Variants in NIPBL observed in about 807,000 individuals in gnomAD.
NIPBL encodes NIPBL cohesin loading factor.
In NIPBL, 19 loss-of-function variants were observed where a neutral mutation model predicts 321.8. The ratio of observed to expected loss-of-function variants is 0.06; its 90% CI spans 0.04 to 0.09. The LOEUF (loss-of-function observed/expected upper bound fraction) is 0.09, where lower values mean the gene tolerates loss of function less well. NIPBL is among the 10% of genes least tolerant of loss of function. The probability of loss-of-function intolerance (pLI) is 1.00; values close to 1 mark genes in which losing one functional copy is unlikely to be tolerated. For synonymous variants in NIPBL, 1,106 were observed against 1,114.1 expected (o/e 0.99, Z 0.14); for missense variants, 2,210 against 3,327.0 (o/e 0.66, Z 8.26).
chr5:36,916,307 T>G (rs967310620), intron 1 of NIPBL, among the ~76,000 whole-genome samples: 1 of 152,246 alleles, frequency 6.6e-6, no homozygotes, highest in Non-Finnish European at 1.5e-5. Flanking sequence ...ACTGCTTTAG[T>G]TTGAAAGAAA....
chr5:36,893,212 T>C (rs997001389), intron 1 of NIPBL, among the ~76,000 whole-genome samples: 1 of 152,202 alleles, frequency 6.6e-6, no homozygotes, highest in Non-Finnish European at 1.5e-5. Flanking sequence ...TGAAATCTTG[T>C]AGTGAGAACT....
At chr5:37,045,757 C>T (rs1157051833) in intron 37 of NIPBL, among the ~76,000 whole-genome samples, 160 bp downstream of exon 37, 5 of 152,208 alleles carry the variant, frequency 3.3e-5, no homozygotes, top group African/African-American at 1.2e-4. Flanking sequence ...CTCAGACTGG[C>T]TGCTAATCCA....
At chr5:37,019,533 T>G in intron 25 of NIPBL, 133 bp downstream of exon 25, 1 of 695,782 alleles carries the variant, frequency 1.4e-6, no homozygotes, top group South Asian at 1.5e-5. Flanking sequence ...AAAGGGATAC[T>G]TGATAATCTA....
chr5:37,003,482 A>G (rs1747059839), intron 16 of NIPBL, 135 bp downstream of exon 16: 2 of 591,592 alleles, frequency 3.4e-6, no homozygotes, highest in South Asian at 2.3e-5. Flanking sequence ...GTAGGTGAAT[A>G]ATTTTTATTA....
intron 30 of NIPBL, 108 bp downstream of exon 30, chr5:37,024,827 T>C: frequency 1.2e-6 from 1 of 843,940 alleles, no homozygotes; most frequent in South Asian, 2.0e-5. Flanking sequence ...TTACAATGAA[T>C]CGTTTATAGT....
intron 1 of NIPBL, among the ~76,000 whole-genome samples, chr5:36,893,298 G>T (rs1366287249): frequency 1.3e-5 from 2 of 152,056 alleles, no homozygotes; most frequent in Non-Finnish European, 2.9e-5. Flanking sequence ...TTTTAAAATG[G>T]CAGTAGCTTT....
chr5:36,992,538 A>T (rs1377430101), intron 10 of NIPBL, among the ~76,000 whole-genome samples: 1 of 151,954 alleles, frequency 6.6e-6, no homozygotes, highest in Non-Finnish European at 1.5e-5. Flanking sequence ...TTTTAAAGAC[A>T]GGGTCTCATT....
At chr5:37,057,149 T>C in intron 42 of NIPBL, 37 bp from the exon 43 acceptor site, 1 of 1,609,362 alleles carries the variant, frequency 6.2e-7, no homozygotes, top group Non-Finnish European at 8.5e-7. Flanking sequence ...TTCTAGATTA[T>C]CCGCTAAACA....
Position 37,022,447 on chromosome 5 carries a change from T to C in NIPBL, c.5574+57T>C, listed in dbSNP as rs1749754426. On this transcript the variant is annotated intron_variant, in intron 29 of 46. Transcript: ENST00000282516. The stretch of plus-strand genomic sequence containing the variant: ...ATATAATTTTGCCTTTCAAGCATCA[T>C]GTTTTGTTTTAAAGTGTTAAGTTAG... 5.4e-6 allele frequency: 8 copies of C among 1,490,568 alleles called. No homozygotes were observed. In the East Asian group the frequency reaches 1.8e-4, roughly 34 times the overall value. The allele number at this position is 1,490,568 out of a possible 1,614,324, so 92.3% of individuals were successfully genotyped here.
chr5:37,055,356 T>TAA (rs57488198), intron 42 of NIPBL, among the ~76,000 whole-genome samples: 20,006 of 84,330 alleles, frequency 0.24, 2,175 homozygotes, highest in African/African-American at 0.32. Context: ...ATCTCAACAG[T>TAA]AAAAAAAAAA....
intron 8 of NIPBL, among the ~76,000 whole-genome samples, chr5:36,972,270 T>C (rs1742941063): frequency 6.6e-6 from 1 of 152,168 alleles, no homozygotes; most frequent in Non-Finnish European, 1.5e-5. Flanking sequence ...TATTCTCGGA[T>C]ACATCCAGTA....
At chr5:36,927,679 G>C (rs979902927) in intron 1 of NIPBL, among the ~76,000 whole-genome samples, 4 of 152,186 alleles carry the variant, frequency 2.6e-5, no homozygotes, top group East Asian at 1.9e-4. Context: ...GAAGCACGAA[G>C]AACAGTATAA....
chr5:36,958,316 A>C (rs1561078574), intron 4 of NIPBL, 85 bp downstream of exon 4: 2 of 1,373,032 alleles, frequency 1.5e-6, no homozygotes, highest in Non-Finnish European at 1.0e-6. Context: ...AAGCTGGCCT[A>C]TCAGGAATGC....
At chr5:36,901,744 A>G (rs1747243284) in intron 1 of NIPBL, among the ~76,000 whole-genome samples, 1 of 152,000 alleles carries the variant, frequency 6.6e-6, no homozygotes, top group African/African-American at 2.4e-5. Context: ...CCTGACCTCA[A>G]GTGATCCACC....
At chr5:36,978,409 C>T (rs1743754921) in intron 9 of NIPBL, among the ~76,000 whole-genome samples, 1 of 151,920 alleles carries the variant, frequency 6.6e-6, no homozygotes, top group Admixed American at 6.6e-5. Flanking sequence ...TGAGAAGTGT[C>T]TGTTCATGTC....
In NIPBL at chr5:37,007,548, A is replaced by G. The variant is rs159752; in HGVS notation, c.4239+74A>G. On this transcript the variant is annotated intron_variant, in intron 18 of 46. Transcript: ENST00000282516. The stretch of plus-strand genomic sequence containing the variant: ...AGTCTAGTATAACCTAGCTCACTCA[A>G]TAATAAGACCAGCACTATATTATCA... 88 of 1,026,702 alleles carry G rather than the reference A, an allele frequency of 8.6e-5. No homozygotes were observed. In the African/African-American group the frequency reaches 1.3e-3, roughly 15 times the overall value. 63.6% of individuals were successfully genotyped at this position (1,026,702 alleles called of 1,614,324 possible). A position where few individuals can be genotyped will look rare whatever the true frequency, so the allele number is the denominator to read the frequency against.
At chr5:37,023,021 A>G (rs1306568100) in intron 29 of NIPBL, among the ~76,000 whole-genome samples, 2 of 152,242 alleles carry the variant, frequency 1.3e-5, no homozygotes, top group Non-Finnish European at 2.9e-5. Flanking sequence ...CATTGCAGGC[A>G]TATTGACTTA....
intron 32 of NIPBL, among the ~76,000 whole-genome samples, chr5:37,033,210 G>C (rs1751267801): frequency 6.6e-6 from 1 of 152,070 alleles, no homozygotes; most frequent in Admixed American, 6.6e-5. Context: ...ATGGGAAACT[G>C]TGAGCTTTCT....
At chr5:36,962,555 C>T (rs568623190) in intron 6 of NIPBL, among the ~76,000 whole-genome samples, 17 of 152,188 alleles carry the variant, frequency 1.1e-4, no homozygotes, top group South Asian at 6.2e-4. Context: ...AGAAGAACTG[C>T]GTTTTTAAAA....
Sources: gnomAD v4.1 joint callset for allele counts (sites outside exome capture counted in the v4.1 genomes callset) on GRCh38, gnomAD v4.1.1 for gene constraint, MANE v1.5 for transcripts, NCBI Gene and HGNC (gene_info 2026-07-23, HGNC 2026-07-21) for gene names.